The following SLC4A5 variants were observed in gnomAD, a reference collection of about 807,000 sequenced individuals.
SLC4A5 encodes electrogenic sodium bicarbonate cotransporter 4.
A neutral mutation model predicts 120.4 loss-of-function variants in SLC4A5; 96 were observed. The observed-to-expected ratio is 0.80, with a 90% CI of 0.68 to 0.94. The LOEUF is 0.94. Ranked by LOEUF, SLC4A5 falls within the 40% of genes least tolerant of loss-of-function variation. The pLI is 0.00. For missense variants in SLC4A5, 1,259 were observed against 1,459.5 expected (o/e 0.86, Z 2.24); for synonymous variants, 550 against 571.1 (o/e 0.96, Z 0.53).
At chr2:74,220,380 A>T (rs1017395908) in intron 30 of SLC4A5, among the ~76,000 whole-genome samples, 33 of 149,786 alleles carry the variant, frequency 2.2e-4, no homozygotes, top group Non-Finnish European at 3.2e-4. Flanking sequence ...GCTTTCCTCC[A>T]TACCCTTTCT....
exon 9 of SLC4A5, chr2:74,265,153 C>T (rs1206065010): frequency 3.1e-6 from 5 of 1,614,102 alleles, no homozygotes; most frequent in Non-Finnish European, 2.5e-6. Flanking sequence ...GCACCGTCCC[C>T]GTCTGCAGGC....
intron 4 of SLC4A5, among the ~76,000 whole-genome samples, chr2:74,333,050 G>A (rs1367875368): frequency 6.6e-6 from 1 of 152,112 alleles, no homozygotes; most frequent in East Asian, 1.9e-4. Context: ...TTGGGGAAAG[G>A]GAAAGAACTG....
chr2:74,307,971 T>C, intron 6 of SLC4A5: 1 of 559,764 alleles, frequency 1.8e-6, no homozygotes, highest in Admixed American at 2.0e-5. Flanking sequence ...CAGGGACCAG[T>C]AGTTGGAGGA....
chr2:74,230,125 C>A (rs1695009945), intron 25 of SLC4A5, among the ~76,000 whole-genome samples: 1 of 152,082 alleles, frequency 6.6e-6, no homozygotes, highest in African/African-American at 2.4e-5. Context: ...CAGGCATGAG[C>A]CACCATGCCT....
chr2:74,298,957 A>T (rs1387206718), intron 7 of SLC4A5, among the ~76,000 whole-genome samples: 1 of 152,030 alleles, frequency 6.6e-6, no homozygotes, highest in Non-Finnish European at 1.5e-5. Flanking sequence ...CCCAAATCTC[A>T]TCTTGAATTG....
rs368937393 is a variant in SLC4A5 at position 74,226,948 on chromosome 2, C to A, written c.3090+9G>T. The A allele has an allele frequency of 8.1e-6, 13 of 1,611,154 alleles. No homozygotes were observed. The highest frequency in any genetic ancestry group is 6.7e-5 in the Admixed American group (4 of 59,866). ...CCAGGCAGGAGGGGGAAGCCCGTGC[C>A]CACTTTACCATGACCGGGAAGATGA... On this transcript the variant is annotated intron_variant, in intron 27 of 30. Transcript: ENST00000394019.
chr2:74,328,353 G>C, intron 4 of SLC4A5, 167 bp from the exon 5 acceptor site: 1 of 168,124 alleles, frequency 5.9e-6, no homozygotes, highest in Non-Finnish European at 1.2e-5. Context: ...ACAGACCAGG[G>C]TATAGCAGGG....
At chr2:74,252,976 C>T (rs1670840132) in exon 15 of SLC4A5, 1 of 1,614,094 alleles carries the variant, frequency 6.2e-7, no homozygotes. Flanking sequence ...ATACACACCT[C>T]TTGTCAGCAG....
At chr2:74,341,755 G>A (rs191601660) in intron 2 of SLC4A5, among the ~76,000 whole-genome samples, 85 of 152,298 alleles carry the variant, frequency 5.6e-4, no homozygotes, top group South Asian at 1.2e-3. Context: ...GTTGCGGATT[G>A]CCCAGACTTA....
intron 8 of SLC4A5, among the ~76,000 whole-genome samples, chr2:74,279,288 C>G (rs140051080): frequency 6.6e-6 from 1 of 152,170 alleles, no homozygotes; most frequent in East Asian, 1.9e-4. Flanking sequence ...TCTGCCCTAC[C>G]CCTCCTCAGA....
intron 12 of SLC4A5, 35 bp downstream of exon 12, chr2:74,259,553 C>T (rs1448184443): frequency 6.2e-7 from 1 of 1,610,322 alleles, no homozygotes; most frequent in Non-Finnish European, 8.5e-7. Context: ...CCTGCCCTGG[C>T]CCTCCATTGC....
intron 2 of SLC4A5, among the ~76,000 whole-genome samples, chr2:74,340,012 T>A (rs1293246401): frequency 6.6e-6 from 1 of 152,184 alleles, no homozygotes; most frequent in Non-Finnish European, 1.5e-5. Flanking sequence ...AGAGAGTAGA[T>A]TAATGGCTAC....
intron 24 of SLC4A5, among the ~76,000 whole-genome samples, chr2:74,231,535 G>T (rs527785887): frequency 1.3e-5 from 2 of 152,306 alleles, no homozygotes; most frequent in Middle Eastern, 3.4e-3. Flanking sequence ...GAGGGAGGCC[G>T]CTTAGTGTAG....
At chr2:74,247,133 C>T in exon 19 of SLC4A5, 2 of 1,614,212 alleles carry the variant, frequency 1.2e-6, no homozygotes, top group Non-Finnish European at 1.7e-6. Flanking sequence ...CGATCATCTT[C>T]TTGATGGCAT....
At chr2:74,314,023 T>C (rs1672888488) in intron 6 of SLC4A5, among the ~76,000 whole-genome samples, 1 of 152,138 alleles carries the variant, frequency 6.6e-6, no homozygotes, top group African/African-American at 2.4e-5. Context: ...TCTGAAAAGA[T>C]AGAATGGGAT....
chr2:74,299,333 A>G (rs771993623), intron 7 of SLC4A5, among the ~76,000 whole-genome samples: 2 of 152,222 alleles, frequency 1.3e-5, no homozygotes, highest in Non-Finnish European at 2.9e-5. Flanking sequence ...CCTGGGCAAT[A>G]AGAGCGAAAC....
Position 74,255,436 on chromosome 2 carries a change from G to C in SLC4A5, c.1025+339C>G, listed in dbSNP as rs2104005884. Among the ~76,000 whole-genome samples, 1 of 152,202 alleles carries C rather than the reference G, an allele frequency of 6.6e-6. No homozygotes were observed. The highest frequency in any genetic ancestry group is 2.1e-4 in the South Asian group (1 of 4,818). On this transcript the variant is annotated intron_variant, in intron 13 of 30. Coordinates refer to ENST00000394019, the Ensembl canonical transcript of SLC4A5. The surrounding 1 kb of genome is among the most constrained non-coding windows in gnomAD (Gnocchi z 4.0). The stretch of plus-strand genomic sequence containing the variant: ...GCCTCCCGAGGAGCTGGGATTACAG[G>C]CGCGTACCACCACACCTGGCTAATT...
intron 7 of SLC4A5, among the ~76,000 whole-genome samples, chr2:74,295,798 C>T (rs777363578): frequency 1.3e-5 from 2 of 152,176 alleles, no homozygotes; most frequent in Admixed American, 6.5e-5. Context: ...GAACTCCATA[C>T]CTGGGCTTTC....
rs190340978 is a variant in SLC4A5, at chr2:74,252,175, G to A, written c.1478+4C>T. The A allele has an allele frequency of 2.8e-3, 4,450 of 1,611,604 alleles. 22 individuals are homozygous for A. Among genetic ancestry groups the A allele is most frequent in the Non-Finnish European group, 2.8e-3 (3,256 of 1,179,334 alleles). On this transcript the variant is annotated splice_donor_region_variant and intron_variant, in intron 16 of 30. Coordinates refer to ENST00000394019, the Ensembl canonical transcript of SLC4A5. Reference sequence around the variant, plus strand: ...AGGGTCACTGGGAGGCCTGGGGTGGGCACCTTCCTGTCCAGATAAGTTCCT... The same window carrying A: ...AGGGTCACTGGGAGGCCTGGGGTGGACACCTTCCTGTCCAGATAAGTTCCT...
Sources: gnomAD v4.1 joint callset for allele counts (sites outside exome capture counted in the v4.1 genomes callset) on GRCh38, gnomAD v4.1.1 for gene constraint, Gnocchi (gnomAD v3.1) non-coding constraint, MANE v1.5 for transcripts, NCBI Gene and HGNC (gene_info 2026-07-23, HGNC 2026-07-21) for gene names.